NEGR1: variants seen among roughly 807,000 people sequenced by gnomAD.
NEGR1 encodes the protein neuronal growth regulator 1.
In NEGR1, 10 loss-of-function variants were observed where a neutral mutation model predicts 40.9. The ratio of observed to expected loss-of-function variants is 0.24; its 90% CI spans 0.15 to 0.42. The LOEUF (loss-of-function observed/expected upper bound fraction) is 0.42, where lower values mean the gene tolerates loss of function less well. Among genes scored for constraint, NEGR1 ranks in the 10% least tolerant of loss-of-function variants. The pLI is 1.00. For synonymous variants in NEGR1, 185 were observed against 166.8 expected (o/e 1.11, Z -0.84); for missense variants, 352 against 438.9 (o/e 0.80, Z 1.77).
intron 1 of NEGR1, among the ~76,000 whole-genome samples, chr1:72,256,861 T>G (rs931826907): frequency 1.3e-5 from 2 of 152,178 alleles, no homozygotes; most frequent in African/African-American, 2.4e-5. Context: ...AATACTAATT[T>G]AAACCAAAAT....
At chr1:71,617,526 T>C (rs1650484367) in intron 4 of NEGR1, among the ~76,000 whole-genome samples, 1 of 152,214 alleles carries the variant, frequency 6.6e-6, no homozygotes, top group South Asian at 2.1e-4. Flanking sequence ...TCGGGAAAAC[T>C]GAATTGGTTA....
chr1:71,732,755 C>G (rs569772815), intron 3 of NEGR1, among the ~76,000 whole-genome samples: 1 of 152,044 alleles, frequency 6.6e-6, no homozygotes, highest in South Asian at 2.1e-4. Context: ...TCTCTTTATG[C>G]TATTGTACTA....
At chr1:72,170,810 A>G (rs893056765) in intron 1 of NEGR1, among the ~76,000 whole-genome samples, 2 of 152,132 alleles carry the variant, frequency 1.3e-5, no homozygotes, top group African/African-American at 4.8e-5. Flanking sequence ...ATAAAGTCTT[A>G]GATGTGCAGT....
intron 4 of NEGR1, among the ~76,000 whole-genome samples, chr1:71,671,681 G>A (rs553125233): frequency 6.6e-6 from 1 of 152,134 alleles, no homozygotes; most frequent in South Asian, 2.1e-4. Flanking sequence ...GTATCTGATT[G>A]TCTGATAAAT....
At chr1:71,546,095 G>T (rs536386563) in intron 6 of NEGR1, among the ~76,000 whole-genome samples, 1 of 151,702 alleles carries the variant, frequency 6.6e-6, no homozygotes, top group South Asian at 2.1e-4. Flanking sequence ...TGACACAACA[G>T]CTCTTTGGTC....
chr1:71,442,597 G>A (rs1646555469), intron 6 of NEGR1, among the ~76,000 whole-genome samples: 1 of 152,154 alleles, frequency 6.6e-6, no homozygotes, highest in Non-Finnish European at 1.5e-5. Context: ...TTGGGAGACA[G>A]AGTGAGACTC....
intron 6 of NEGR1, among the ~76,000 whole-genome samples, chr1:71,563,770 T>A (rs143667176): frequency 6.6e-5 from 10 of 152,060 alleles, no homozygotes; most frequent in African/African-American, 2.4e-4. Context: ...TAAATAAATC[T>A]AGCATTTGTG....
chr1:72,116,696 C>A (rs1649594065), intron 1 of NEGR1, among the ~76,000 whole-genome samples: 1 of 151,666 alleles, frequency 6.6e-6, no homozygotes, highest in East Asian at 1.9e-4. Context: ...TAACTTAAAA[C>A]TTAAAAACAC....
chr1:72,003,355 G>A (rs1646574515), intron 1 of NEGR1, among the ~76,000 whole-genome samples: 1 of 151,822 alleles, frequency 6.6e-6, no homozygotes, highest in Non-Finnish European at 1.5e-5. Flanking sequence ...ACTGCAGCCT[G>A]CCAACAAACA....
intron 6 of NEGR1, among the ~76,000 whole-genome samples, chr1:71,492,447 T>C (rs1158966913): frequency 6.6e-6 from 1 of 151,224 alleles, no homozygotes; most frequent in African/African-American, 2.4e-5. Flanking sequence ...CATAGTTAGC[T>C]AGGTACTTGA....
chr1:71,695,633 G>A (rs535840043), intron 4 of NEGR1, among the ~76,000 whole-genome samples: 5 of 151,866 alleles, frequency 3.3e-5, no homozygotes, highest in South Asian at 2.1e-4. Context: ...TTGTTAGCCC[G>A]ACAGAATGTC....
chr1:71,571,811 C>T (rs1334448444), intron 6 of NEGR1, among the ~76,000 whole-genome samples: 4 of 122,570 alleles, frequency 3.3e-5, no homozygotes, highest in Admixed American at 8.1e-5. Context: ...AAAAAAAAAT[C>T]TGAAATTTGA....
At chr1:72,017,313 T>C (rs970390527) in intron 1 of NEGR1, among the ~76,000 whole-genome samples, 3 of 152,094 alleles carry the variant, frequency 2.0e-5, no homozygotes, top group Admixed American at 2.0e-4. Flanking sequence ...AGATTCAATA[T>C]CATATGCTTC....
intron 1 of NEGR1, among the ~76,000 whole-genome samples, chr1:71,993,278 A>G (rs17092072): frequency 0.11 from 17,059 of 152,194 alleles, 1,051 homozygotes; most frequent in Middle Eastern, 0.19. Context: ...AAGAACTTTG[A>G]AGGTAGCAAA....
chr1:72,168,545 A>G (rs1440454776), intron 1 of NEGR1, among the ~76,000 whole-genome samples: 3 of 150,902 alleles, frequency 2.0e-5, no homozygotes, highest in African/African-American at 7.2e-5. Context: ...GCCAAAGGAA[A>G]AAAACATCCC....
chr1:71,756,411 CAA>C (rs200281643), intron 3 of NEGR1, among the ~76,000 whole-genome samples: 14 of 66,410 alleles, frequency 2.1e-4, no homozygotes, highest in African/African-American at 6.5e-4. Flanking sequence ...CAAAAACAAA[CAA>C]AAAAAAAAAA....
chr1:71,724,386 TA>T (rs1654608020), intron 3 of NEGR1, among the ~76,000 whole-genome samples: 1 of 152,186 alleles, frequency 6.6e-6, no homozygotes, highest in African/African-American at 2.4e-5. Flanking sequence ...ATTTTTTGTA[TA>T]AACAGAATAT....
intron 1 of NEGR1, among the ~76,000 whole-genome samples, chr1:72,039,296 A>G (rs145123230): frequency 1.1e-4 from 17 of 152,090 alleles, no homozygotes; most frequent in African/African-American, 4.1e-4. Flanking sequence ...GAAATTTCTG[A>G]TCAGGTACAT....
chr1:71,880,660 A>G (rs544119906), intron 2 of NEGR1, among the ~76,000 whole-genome samples: 1 of 152,164 alleles, frequency 6.6e-6, no homozygotes, highest in South Asian at 2.1e-4. Context: ...CTGGCAAAAT[A>G]CGAATTTGCA....
Sources: gnomAD v4.1 joint callset for allele counts (sites outside exome capture counted in the v4.1 genomes callset) on GRCh38, gnomAD v4.1.1 for gene constraint, MANE v1.5 for transcripts, NCBI Gene and HGNC (gene_info 2026-07-23, HGNC 2026-07-21) for gene names.